SYNPR: variants seen among roughly 807,000 people sequenced by gnomAD.
SYNPR encodes the protein synaptoporin.
A neutral mutation model predicts 32.9 loss-of-function variants in SYNPR; 23 were observed. The ratio of observed to expected loss-of-function variants is 0.70; its 90% confidence interval spans 0.50 to 0.99. SYNPR has a LOEUF of 0.99. Among genes scored for constraint, SYNPR ranks in the 50% least tolerant of loss-of-function variants. The probability of loss-of-function intolerance (pLI) is 0.00; values close to 1 mark genes in which losing one functional copy is unlikely to be tolerated. For missense variants in SYNPR, 318 were observed against 349.3 expected (o/e 0.91, Z 0.71); for synonymous variants, 146 against 135.9 (o/e 1.07, Z -0.52).
chr3:63,406,967 G>A (rs963253031), intron 2 of SYNPR, among the ~76,000 whole-genome samples: 9 of 152,256 alleles, frequency 5.9e-5, no homozygotes, highest in Middle Eastern at 6.8e-3. Context: ...ATATTAGCTC[G>A]CCTGTGAACT....
intron 2 of SYNPR, among the ~76,000 whole-genome samples, chr3:63,320,085 G>C (rs2087092251): frequency 6.6e-6 from 1 of 151,950 alleles, no homozygotes; most frequent in Non-Finnish European, 1.5e-5. Flanking sequence ...GAGTAGGTGG[G>C]ACTATAGATG....
intron 2 of SYNPR, among the ~76,000 whole-genome samples, chr3:63,402,256 G>A (rs2088302413): frequency 6.6e-6 from 1 of 152,120 alleles, no homozygotes; most frequent in Admixed American, 6.5e-5. Flanking sequence ...TAAACATGAG[G>A]AGCGCTCCCT....
the SYNPR span, among the ~76,000 whole-genome samples, chr3:63,202,458 C>A: frequency 2.0e-5 from 3 of 152,136 alleles, 1 homozygote; most frequent in Admixed American, 2.0e-4. Flanking sequence ...TCAAAATAAC[C>A]ATCACTTCAC....
chr3:63,548,178 T>G (rs1702442995), intron 3 of SYNPR, among the ~76,000 whole-genome samples: 1 of 152,188 alleles, frequency 6.6e-6, no homozygotes, highest in Admixed American at 6.5e-5. Context: ...ACTGAATGAA[T>G]GAATGACTTG....
At position 63,595,815 on chromosome 3, in the gene SYNPR, AG is replaced by A. The variant is rs1559546369; in HGVS notation, c.409-13309del. Among the ~76,000 whole-genome samples the A allele has an allele frequency of 3.1e-3, 189 of 61,150 alleles. 35 individuals are homozygous for A. Among genetic ancestry groups the A allele is most frequent in the African/African-American group, 0.012 (181 of 14,722 alleles). 40.1% of individuals were successfully genotyped at this position (61,150 alleles called of 152,430 possible). On this transcript the variant is annotated intron_variant, in intron 4 of 5. Transcript: ENST00000478300. The stretch of plus-strand genomic sequence containing the variant: ...TATATATATAGTTATATATATATAT[AG>A]TTTTATATATATATAGTTATATATA...
chr3:63,512,689 C>A (rs1045566591), intron 3 of SYNPR, among the ~76,000 whole-genome samples: 1 of 152,082 alleles, frequency 6.6e-6, no homozygotes, highest in Non-Finnish European at 1.5e-5. Context: ...TGTGGGTGGC[C>A]TCTGGAAGCT....
intron 2 of SYNPR, among the ~76,000 whole-genome samples, chr3:63,347,099 T>C (rs1016556210): frequency 2.0e-5 from 3 of 152,218 alleles, no homozygotes; most frequent in African/African-American, 7.2e-5. Flanking sequence ...ATAATGTAAC[T>C]AATGCAATGT....
At chr3:63,477,805 G>A (rs1404791257) in intron 2 of SYNPR, among the ~76,000 whole-genome samples, 4 of 152,220 alleles carry the variant, frequency 2.6e-5, no homozygotes, top group South Asian at 2.1e-4. Context: ...GCCTGCACCT[G>A]CACAAGAGCC....
intron 3 of SYNPR, among the ~76,000 whole-genome samples, chr3:63,493,613 C>T (rs1365933918): frequency 1.3e-5 from 2 of 151,898 alleles, no homozygotes; most frequent in Non-Finnish European, 2.9e-5. Context: ...GTCAGGATTT[C>T]AAGACTAGCC....
At chr3:63,296,081 G>A (rs1043947766) in intron 2 of SYNPR, among the ~76,000 whole-genome samples, 1 of 152,106 alleles carries the variant, frequency 6.6e-6, no homozygotes, top group Non-Finnish European at 1.5e-5. Flanking sequence ...AACCTGCATG[G>A]GGCCATCATA....
intron 2 of SYNPR, among the ~76,000 whole-genome samples, chr3:63,261,771 G>A (rs146277059): frequency 0.014 from 2,014 of 147,828 alleles, 32 homozygotes; most frequent in Non-Finnish European, 0.023. Flanking sequence ...GCAAACTATC[G>A]CAAGGACAAA....
chr3:63,269,143 G>T (rs772349749), intron 3 of SYNPR, among the ~76,000 whole-genome samples: 1 of 152,178 alleles, frequency 6.6e-6, no homozygotes, highest in Non-Finnish European at 1.5e-5. Flanking sequence ...ACCATGGAAA[G>T]GTGGGTGTGG....
In SYNPR at chr3:63,572,149, C is replaced by A. The variant is rs539109237; in HGVS notation, c.408+15408C>A. 6.0e-4 allele frequency among the ~76,000 whole-genome samples: 91 copies of A among 152,280 alleles called. 1 individual carries two copies. The Middle Eastern group carries it at 0.01, about 17-fold the overall frequency. On this transcript the variant is annotated intron_variant, in intron 4 of 5. Transcript: ENST00000478300. ...TCTTGGGTGTCCTGGGACAGCAAAA[C>A]AAGTGGCACTTTCAGTTGTGATTTA...
At chr3:63,329,992 T>C (rs1021919592) in intron 2 of SYNPR, 24 of 151,846 alleles carry the variant, frequency 1.6e-4, no homozygotes, top group African/African-American at 5.8e-4. Flanking sequence ...GTTCCCAGGG[T>C]CTGGACATCC....
intron 3 of SYNPR, among the ~76,000 whole-genome samples, chr3:63,518,451 A>G (rs1007120180): frequency 4.6e-5 from 7 of 152,142 alleles, no homozygotes; most frequent in Admixed American, 1.3e-4. Flanking sequence ...AAGAGAAGGT[A>G]CTATGGAAAT....
intron 2 of SYNPR, among the ~76,000 whole-genome samples, chr3:63,305,034 C>T (rs1235670231): frequency 6.6e-6 from 1 of 151,946 alleles, no homozygotes; most frequent in Non-Finnish European, 1.5e-5. Context: ...AGTAGCTACC[C>T]TCCAAGATGA....
At chr3:63,537,401 G>A (rs1466266726) in intron 3 of SYNPR, among the ~76,000 whole-genome samples, 1 of 151,988 alleles carries the variant, frequency 6.6e-6, no homozygotes, top group Non-Finnish European at 1.5e-5. Flanking sequence ...TTAGTTCAAC[G>A]TTGAATTGCA....
chr3:63,445,082 C>T (rs553264331), intron 2 of SYNPR, among the ~76,000 whole-genome samples: 19 of 151,980 alleles, frequency 1.3e-4, no homozygotes, highest in Non-Finnish European at 2.4e-4. Context: ...AATCCCTCAA[C>T]GTCCTTTAAT....
chr3:63,397,125 A>T (rs1017746104), intron 2 of SYNPR, among the ~76,000 whole-genome samples: 4 of 139,276 alleles, frequency 2.9e-5, no homozygotes, highest in Non-Finnish European at 3.1e-5. Context: ...AAAAAAAAAA[A>T]TTCACATTAA....
Sources: allele counts gnomAD v4.1 joint callset (sites outside exome capture counted in the v4.1 genomes callset), GRCh38; gene constraint gnomAD v4.1.1; transcripts MANE v1.5; gene names NCBI Gene and HGNC (gene_info 2026-07-23, HGNC 2026-07-21).